Variants in MOGAT1 observed in about 807,000 individuals in gnomAD.
The protein encoded by MOGAT1 is 2-acylglycerol O-acyltransferase 1.
Under a neutral mutation model 31.4 loss-of-function variants are expected in MOGAT1, and 32 were observed. That is an observed-to-expected ratio of 1.02 (90% confidence interval 0.77 to 1.37). MOGAT1 has a LOEUF of 1.37. MOGAT1 is among the 40% of genes most tolerant of loss of function. The pLI, the probability that MOGAT1 is intolerant of heterozygous loss-of-function variation, is 0.00. For missense variants in MOGAT1, 426 were observed against 402.0 expected (o/e 1.06, Z -0.51); for synonymous variants, 145 against 144.5 (o/e 1.00, Z -0.03).
chr2:222,704,503 A>G (rs551185351), intron 5 of MOGAT1, among the ~76,000 whole-genome samples: 45 of 152,250 alleles, frequency 3.0e-4, no homozygotes, highest in African/African-American at 1.0e-3. Context: ...GGACGCCTGT[A>G]GTCCCAGCTA....
intron 5 of MOGAT1, among the ~76,000 whole-genome samples, chr2:222,702,126 T>C (rs979479483): frequency 5.3e-5 from 8 of 152,160 alleles, no homozygotes; most frequent in Non-Finnish European, 1.2e-4. Flanking sequence ...TTAATCTGAA[T>C]CAAATCATGA....
intron 5 of MOGAT1, among the ~76,000 whole-genome samples, chr2:222,703,577 C>T (rs572841470): frequency 5.3e-5 from 8 of 152,188 alleles, no homozygotes; most frequent in South Asian, 4.2e-4. Context: ...TCTATACATA[C>T]TCACATGTAC....
Position 222,702,234 on chromosome 2 carries a change from G to A in MOGAT1, c.853+6946G>A, listed in dbSNP as rs186542354. 2.8e-3 allele frequency among the ~76,000 whole-genome samples: 432 copies of A among 152,242 alleles called. 2 individuals carry two copies. The highest frequency in any genetic ancestry group is 1.0e-2 in the African/African-American group (415 of 41,520). The stretch of plus-strand genomic sequence containing the variant: ...GTGTCATAAGAGACAAGAGGGAGGG[G>A]GTCCTCAGAGACATACAACACAACA... On this transcript the variant is annotated intron_variant, in intron 5 of 5. Transcript: ENST00000446656.
intron 1 of MOGAT1, among the ~76,000 whole-genome samples, chr2:222,680,502 G>A (rs1277383675): frequency 1.3e-5 from 2 of 150,958 alleles, no homozygotes; most frequent in Non-Finnish European, 2.9e-5. Context: ...TTCTGCAAAG[G>A]GGTCTGATGA....
chr2:222,676,148 TCC>T (rs1232182283), intron 1 of MOGAT1, among the ~76,000 whole-genome samples: 1 of 145,250 alleles, frequency 6.9e-6, no homozygotes, highest in African/African-American at 2.7e-5. Flanking sequence ...ACCACTGATC[TCC>T]TTTTTTTTTT....
chr2:222,701,527 A>AAG (rs1559234028), intron 5 of MOGAT1, among the ~76,000 whole-genome samples: 2 of 103,904 alleles, frequency 1.9e-5, no homozygotes, highest in African/African-American at 4.9e-5. Context: ...AGGGAAAAGA[A>AAG]AGAAAGAGAA....
intron 3 of MOGAT1, among the ~76,000 whole-genome samples, chr2:222,692,806 G>A (rs533392911): frequency 1.3e-5 from 2 of 152,262 alleles, no homozygotes; most frequent in South Asian, 2.1e-4. Flanking sequence ...GAGGGAAAAC[G>A]GAGGAGTGGC....
At chr2:222,700,299 C>T (rs1336537760) in intron 5 of MOGAT1, among the ~76,000 whole-genome samples, 1 of 152,202 alleles carries the variant, frequency 6.6e-6, no homozygotes, top group Admixed American at 6.5e-5. Flanking sequence ...TATACCTCTA[C>T]TGACAAATAA....
chr2:222,696,966 G>A (rs993810755), intron 5 of MOGAT1, among the ~76,000 whole-genome samples: 2 of 152,164 alleles, frequency 1.3e-5, no homozygotes, highest in African/African-American at 2.4e-5. Flanking sequence ...CTTGAGCCCA[G>A]GAGTTGGAGG....
At chr2:222,684,858 A>T (rs1432011475) in intron 1 of MOGAT1, among the ~76,000 whole-genome samples, 1 of 152,194 alleles carries the variant, frequency 6.6e-6, no homozygotes, top group Non-Finnish European at 1.5e-5. Flanking sequence ...TGCAAGCGTG[A>T]GCCACCGTGC....
At chr2:222,679,818 G>A (rs115284905) in intron 1 of MOGAT1, among the ~76,000 whole-genome samples, 2,569 of 152,328 alleles carry the variant, frequency 0.017, 35 homozygotes, top group Non-Finnish European at 0.025. Flanking sequence ...AAACTTCAAG[G>A]AAGCAGGTAG....
In MOGAT1 at chr2:222,688,585, A is replaced by G. The variant is rs1044522471; in HGVS notation, c.273+63A>G. Reference sequence around the variant, plus strand: ...AGGAGAAGAGTGGAAATTTGTTTTCATCACATATATCTCAAGCTTCTTTTT... The same window carrying G: ...AGGAGAAGAGTGGAAATTTGTTTTCGTCACATATATCTCAAGCTTCTTTTT... On this transcript the variant is annotated intron_variant, in intron 2 of 5. Coordinates refer to ENST00000446656, the MANE Select transcript of MOGAT1 (RefSeq NM_058165.3). The G allele has an allele frequency of 8.5e-6, 10 of 1,178,148 alleles. No individual in the cohort carries two copies. In the South Asian group the frequency reaches 1.1e-4, roughly 13 times the overall value. 73.0% of individuals were successfully genotyped at this position (1,178,148 alleles called of 1,614,324 possible).
intron 5 of MOGAT1, among the ~76,000 whole-genome samples, chr2:222,706,431 C>A (rs1367224784): frequency 6.6e-6 from 1 of 150,818 alleles, no homozygotes; most frequent in Non-Finnish European, 1.5e-5. Context: ...TCAGATCATG[C>A]CACTTCACTC....
In MOGAT1 at chr2:222,689,280, G is replaced by A. The variant is rs1385551400; in HGVS notation, c.289G>A (p.Asp97Asn). ...TGTGCTGTAGCTTATCAAAACTCAA[G>A]ATTTGGATCCAAGTCACAACTATAT... ...YFPIHLIKTQ[D>N]LDPSHNYIFG... The change falls in exon 3 of 6, where the codon GAT (aspartate) becomes AAT (asparagine). Residue 97 changes from aspartate (D) to asparagine (N), a missense_variant. Coordinates refer to ENST00000446656, the MANE Select transcript of MOGAT1 (RefSeq NM_058165.3). The A allele has an allele frequency of 3.7e-6, 6 of 1,613,378 alleles. No homozygotes were observed. Among genetic ancestry groups the A allele is most frequent in the Non-Finnish European group, 5.1e-6 (6 of 1,179,526 alleles).
At chr2:222,709,082 T>C (rs1188405844) in intron 5 of MOGAT1, among the ~76,000 whole-genome samples, 2 of 152,090 alleles carry the variant, frequency 1.3e-5, no homozygotes, top group East Asian at 3.9e-4. Context: ...TCGCTCACCC[T>C]TGTAATTCCA....
At chr2:222,691,184 A>T (rs6759253) in intron 3 of MOGAT1, among the ~76,000 whole-genome samples, 5 of 69,346 alleles carry the variant, frequency 7.2e-5, no homozygotes, top group East Asian at 3.7e-4. Flanking sequence ...GTTTCTTTTT[A>T]TTTATTTATT....
Position 222,688,465 on chromosome 2 carries a change from C to T in MOGAT1, c.216C>T (p.Ser72=). The T allele has an allele frequency of 4.3e-6, 7 of 1,613,670 alleles. No homozygotes were observed. The highest frequency in any genetic ancestry group is 5.9e-6 in the Non-Finnish European group (7 of 1,179,766). Reference sequence around the variant, plus strand: ...CCCCAGAGCGAGGAGGCAGGAGATCCAGCTGGATCAAAAATTGGACTCTTT... The same window carrying T: ...CCCCAGAGCGAGGAGGCAGGAGATCTAGCTGGATCAAAAATTGGACTCTTT... ...WHTPERGGRR[S]SWIKNWTLWK... Residue 72 remains serine, a synonymous_variant, in exon 2 of 6, where the codon TCC becomes TCT. Coordinates refer to ENST00000446656, the MANE Select transcript of MOGAT1 (RefSeq NM_058165.3).
At chr2:222,696,881 A>G (rs1408540947) in intron 5 of MOGAT1, among the ~76,000 whole-genome samples, 2 of 152,024 alleles carry the variant, frequency 1.3e-5, no homozygotes, top group Admixed American at 6.6e-5. Flanking sequence ...TCTACTAAAA[A>G]TTTTAAAAAT....
intron 5 of MOGAT1, among the ~76,000 whole-genome samples, chr2:222,701,331 A>AGAGAGAGAGAG (rs1692918035): frequency 7.8e-6 from 1 of 128,878 alleles, no homozygotes; most frequent in Non-Finnish European, 1.8e-5. Context: ...AGAGAGAGAT[A>AGAGAGAGAGAG]AAAGGAATTA....
Sources: allele counts gnomAD v4.1 joint callset (sites outside exome capture counted in the v4.1 genomes callset), GRCh38; gene constraint gnomAD v4.1.1; transcripts MANE v1.5; gene names NCBI Gene and HGNC (gene_info 2026-07-23, HGNC 2026-07-21).